DNAH14: variants seen among roughly 807,000 people sequenced by gnomAD.
DNAH14 encodes dynein axonemal heavy chain 14.
A neutral mutation model predicts 520.9 loss-of-function variants in DNAH14; 478 were observed. That is an observed-to-expected ratio of 0.92 (90% CI 0.85 to 0.99). DNAH14 has a LOEUF of 0.99. DNAH14 is among the 50% of genes least tolerant of loss of function. DNAH14 has a pLI of 0.00. For synonymous variants in DNAH14, 1,581 were observed against 1,757.2 expected (o/e 0.90, Z 2.51); for missense variants, 4,831 against 5,234.5 (o/e 0.92, Z 2.38).
intron 79 of DNAH14, among the ~76,000 whole-genome samples, chr1:225,378,170 A>G (rs1452206768): frequency 1.3e-5 from 2 of 151,972 alleles, no homozygotes; most frequent in Non-Finnish European, 2.9e-5. Context: ...GCTTTTAATA[A>G]ACATACTAGA....
At position 225,140,823 on chromosome 1, in the gene DNAH14, G is replaced by C. The variant is rs779460788; in HGVS notation, c.4310G>C (p.Arg1437Thr). 9 of 1,550,864 alleles carry C rather than the reference G, an allele frequency of 5.8e-6. 1 individual carries two copies. In the South Asian group the frequency reaches 9.5e-5, roughly 16 times the overall value. ...AAAAGTTTTGTGAGTTCTTATTCAA[G>C]AGAAAAATTGGAAAAAGTCCACGCT... is the stretch of plus-strand genomic sequence containing the variant. ...CVKSFVSSYS[R>T]EKLEKVHAGL... Residue 1437 changes from arginine to threonine, a missense_variant, in exon 28 of 86, where the codon AGA becomes ACA. By Grantham distance (71) the Arg-to-Thr change is moderately conservative. Transcript: ENST00000682510.
At chr1:225,116,164 A>C (rs2076857605) in intron 23 of DNAH14, among the ~76,000 whole-genome samples, 5 of 152,208 alleles carry the variant, frequency 3.3e-5, no homozygotes, top group Non-Finnish European at 2.9e-5. Context: ...CAGATAAAAC[A>C]GGTTGCAGAT....
At chr1:224,966,995 T>C (rs1429142522) in intron 5 of DNAH14, among the ~76,000 whole-genome samples, 1 of 152,202 alleles carries the variant, frequency 6.6e-6, no homozygotes, top group Non-Finnish European at 1.5e-5. Flanking sequence ...TAAATATTTA[T>C]TACTTAACAA....
At position 225,305,030 on chromosome 1, in the gene DNAH14, A is replaced by G; in HGVS notation, c.8946A>G (p.Gln2982=). ...FYYTTPNSYL[Q]FMETFAHILR... ...ATACCACTCCCAATAGCTACTTGCAATTTATGGAAACATTTGCACACATTT... is the reference window on the plus strand; with the variant it reads ...ATACCACTCCCAATAGCTACTTGCAGTTTATGGAAACATTTGCACACATTT... Residue 2982 remains glutamine, a synonymous_variant, in exon 58 of 86, where the codon CAA becomes CAG. Coordinates refer to ENST00000682510, the MANE Select transcript of DNAH14 (RefSeq NM_001367479.1). The G allele has an allele frequency of 1.9e-6, 3 of 1,545,318 alleles. No individual in the cohort carries two copies. The highest frequency in any genetic ancestry group is 2.6e-6 in the Non-Finnish European group (3 of 1,145,700).
At chr1:225,019,053 C>G (rs1456011108) in intron 10 of DNAH14, among the ~76,000 whole-genome samples, 1 of 152,162 alleles carries the variant, frequency 6.6e-6, no homozygotes, top group Non-Finnish European at 1.5e-5. Flanking sequence ...GTGACAAGAT[C>G]AAATCCTCAC....
In DNAH14 at chr1:224,952,684, GT is replaced by G. The variant is rs1013185875; in HGVS notation, c.-15del. 6.5e-7 allele frequency: 1 copy of G among 1,547,534 alleles called. No homozygotes were observed. Among genetic ancestry groups the G allele is most frequent in the Non-Finnish European group, 8.7e-7 (1 of 1,151,254 alleles). On this transcript the variant is annotated 5_prime_UTR_variant, in exon 2 of 86. Coordinates refer to ENST00000682510, the MANE Select transcript of DNAH14 (RefSeq NM_001367479.1). ...TTTTGTTACAGCCAGTTCCTTTATAGTTTTGTTCAGAAAAACATATGGAGAC... is the reference window on the plus strand; with the variant it reads ...TTTTGTTACAGCCAGTTCCTTTATAGTTTGTTCAGAAAAACATATGGAGAC...
intron 23 of DNAH14, among the ~76,000 whole-genome samples, chr1:225,103,082 A>G (rs1278630260): frequency 6.6e-5 from 10 of 152,144 alleles, no homozygotes; most frequent in Non-Finnish European, 1.0e-4. Context: ...TGTAAGGAAC[A>G]GATCCAGTTT....
intron 27 of DNAH14, among the ~76,000 whole-genome samples, chr1:225,128,069 G>A (rs1056716941): frequency 5.9e-5 from 9 of 152,106 alleles, no homozygotes; most frequent in African/African-American, 1.2e-4. Flanking sequence ...AGTTTCTGCC[G>A]AGAACTCTGC....
At chr1:225,250,551 T>C (rs1191544630) in intron 43 of DNAH14, 1 of 435,232 alleles carries the variant, frequency 2.3e-6, no homozygotes, top group East Asian at 3.5e-5. Flanking sequence ...TGAGGTATGG[T>C]GAGGCCAGAC....
At chr1:225,243,605 G>A (rs1015578256) in intron 43 of DNAH14, among the ~76,000 whole-genome samples, 6 of 151,786 alleles carry the variant, frequency 4.0e-5, no homozygotes, top group Non-Finnish European at 8.8e-5. Context: ...GATGAATTAC[G>A]GAACAACATG....
At chr1:225,129,936 A>G (rs1370436496) in intron 27 of DNAH14, among the ~76,000 whole-genome samples, 1 of 152,252 alleles carries the variant, frequency 6.6e-6, no homozygotes, top group Non-Finnish European at 1.5e-5. Flanking sequence ...AAGGGCTAAT[A>G]TCCAGAATCT....
chr1:225,305,496 G>C (rs2094221359), intron 58 of DNAH14, among the ~76,000 whole-genome samples: 1 of 152,154 alleles, frequency 6.6e-6, no homozygotes, highest in Non-Finnish European at 1.5e-5. Context: ...AGTGGTACCT[G>C]AGGAGGCACG....
chr1:225,237,839 T>C (rs1419829882), intron 42 of DNAH14, among the ~76,000 whole-genome samples: 1 of 152,224 alleles, frequency 6.6e-6, no homozygotes, highest in African/African-American at 2.4e-5. Context: ...CTTATTCTTG[T>C]CTGCCTGTCT....
intron 28 of DNAH14, 138 bp from the exon 29 acceptor site, chr1:225,144,259 C>T: frequency 1.5e-6 from 1 of 668,140 alleles, no homozygotes; most frequent in Non-Finnish European, 2.5e-6. Flanking sequence ...TCACACTTCT[C>T]ATTTGATTTT....
intron 46 of DNAH14, among the ~76,000 whole-genome samples, chr1:225,261,134 T>A (rs117861578): frequency 6.6e-6 from 1 of 152,328 alleles, no homozygotes; most frequent in East Asian, 1.9e-4. Context: ...CTTTTATTTC[T>A]TTCCTTGCCT....
intron 55 of DNAH14, among the ~76,000 whole-genome samples, chr1:225,293,231 A>T (rs926429214): frequency 6.6e-6 from 1 of 152,212 alleles, no homozygotes; most frequent in Non-Finnish European, 1.5e-5. Flanking sequence ...GTGGGTGTGT[A>T]AATTGGTTCA....
Position 225,307,515 on chromosome 1 carries a change from A to G in DNAH14, c.9060A>G (p.Thr3020=). The stretch of plus-strand genomic sequence containing the variant: ...TCCTGGAAGCAACCACTCTAGTTAC[A>G]GAAATGCAAGAAGAGCTCTTGATTC... ...STILEATTLV[T]EMQEELLILG... The change falls in exon 59 of 86, where the codon ACA becomes ACG. Residue 3020 remains threonine (T), a synonymous_variant. Coordinates refer to ENST00000682510, the MANE Select transcript of DNAH14 (RefSeq NM_001367479.1). 1.9e-6 allele frequency: 3 copies of G among 1,547,758 alleles called. No homozygotes were observed. The highest frequency in any genetic ancestry group is 2.6e-6 in the Non-Finnish European group (3 of 1,145,868).
rs35210664 is a variant in DNAH14 at position 225,198,221 on chromosome 1, ATT to A, written c.5886+5324_5886+5325del. ...ATTGAGATATGTCCCTTGTATGCCAATTTTTTTTTTTTTTTAGATGGAGTCTC... is the reference window on the plus strand; with the variant it reads ...ATTGAGATATGTCCCTTGTATGCCAATTTTTTTTTTTTTAGATGGAGTCTC... On this transcript the variant is annotated intron_variant, in intron 38 of 85. Transcript: ENST00000682510. Among the ~76,000 whole-genome samples, 639 of 144,724 alleles carry A rather than the reference ATT, an allele frequency of 4.4e-3. 7 individuals carry two copies. The highest frequency in any genetic ancestry group is 0.014 in the African/African-American group (556 of 39,698). The allele number at this position is 144,724 out of a possible 152,430, so 94.9% of individuals were successfully genotyped here.
chr1:225,056,913 A>G (rs1221181041), intron 17 of DNAH14, among the ~76,000 whole-genome samples: 1 of 152,170 alleles, frequency 6.6e-6, no homozygotes, highest in Non-Finnish European at 1.5e-5. Context: ...TACCAGTACC[A>G]TGCTGTTTCG....
Sources: gnomAD v4.1 joint callset for allele counts (sites outside exome capture counted in the v4.1 genomes callset) on GRCh38, gnomAD v4.1.1 for gene constraint, MANE v1.5 for transcripts, NCBI Gene and HGNC (gene_info 2026-07-23, HGNC 2026-07-21) for gene names.